The following LOC128462377 variants were observed in gnomAD, a reference collection of about 807,000 sequenced individuals.
At chr16:89,387,340 C>A in the LOC128462377 span, among the ~76,000 whole-genome samples, 2 of 151,742 alleles carry the variant, frequency 1.3e-5, no homozygotes, top group Non-Finnish European at 2.9e-5. Flanking sequence ...GATAGTCAGG[C>A]CTCCCACTCT....
chr16:89,324,376 G>A, the LOC128462377 span: 49 of 766,260 alleles, frequency 6.4e-5, no homozygotes, highest in Middle Eastern at 2.7e-4. Flanking sequence ...AGGGCGGCAC[G>A]TGGGCGCAAA....
the LOC128462377 span, among the ~76,000 whole-genome samples, chr16:89,409,946 T>A: frequency 6.6e-6 from 1 of 152,044 alleles, no homozygotes; most frequent in South Asian, 2.1e-4. Flanking sequence ...TTCACGCCAT[T>A]CTCCTGCCTC....
At chr16:89,396,253 C>G in the LOC128462377 span, among the ~76,000 whole-genome samples, 1 of 152,194 alleles carries the variant, frequency 6.6e-6, no homozygotes, top group African/African-American at 2.4e-5. Flanking sequence ...AGTGGATCCA[C>G]GTCGGGAGAT....
the LOC128462377 span, among the ~76,000 whole-genome samples, chr16:89,368,881 G>A: frequency 1.3e-5 from 2 of 152,136 alleles, no homozygotes. Context: ...ATCTAGGGGA[G>A]GAGAAAGACT....
At chr16:89,350,733 C>T in the LOC128462377 span, among the ~76,000 whole-genome samples, 1 of 152,184 alleles carries the variant, frequency 6.6e-6, no homozygotes, top group African/African-American at 2.4e-5. Context: ...GGGAACAAGA[C>T]AGTTCCAACT....
the LOC128462377 span, among the ~76,000 whole-genome samples, chr16:89,359,663 C>T: frequency 6.6e-6 from 1 of 152,320 alleles, no homozygotes; most frequent in Non-Finnish European, 1.5e-5. Context: ...GGCTGTTCAC[C>T]TCTCTGCCTC....
the LOC128462377 span, among the ~76,000 whole-genome samples, chr16:89,347,133 C>A: frequency 1.1e-4 from 16 of 152,132 alleles, no homozygotes; most frequent in African/African-American, 3.9e-4. Flanking sequence ...TTGGTCCGGG[C>A]ATCAGAGGAA....
At chr16:89,337,167 C>T in the LOC128462377 span, among the ~76,000 whole-genome samples, 3 of 152,018 alleles carry the variant, frequency 2.0e-5, no homozygotes, top group Admixed American at 2.0e-4. Context: ...CCCTGGGCAA[C>T]AGAGTGAGAC....
the LOC128462377 span, among the ~76,000 whole-genome samples, chr16:89,373,850 A>G: frequency 6.6e-6 from 1 of 152,180 alleles, no homozygotes; most frequent in Non-Finnish European, 1.5e-5. Flanking sequence ...TCTTACTTTT[A>G]GTTAGAGCTG....
At chr16:89,375,537 G>GC in the LOC128462377 span, among the ~76,000 whole-genome samples, 1 of 151,822 alleles carries the variant, frequency 6.6e-6, no homozygotes. Flanking sequence ...TTGGCTCGCT[G>GC]CAACCTCTGC....
At chr16:89,417,490 C>T in the LOC128462377 span, among the ~76,000 whole-genome samples, 1 of 152,144 alleles carries the variant, frequency 6.6e-6, no homozygotes, top group Non-Finnish European at 1.5e-5. Flanking sequence ...AGAGCCAAGG[C>T]CAAAGTCTTT....
the LOC128462377 span, among the ~76,000 whole-genome samples, chr16:89,335,771 G>A: frequency 6.6e-6 from 1 of 152,328 alleles, no homozygotes; most frequent in African/African-American, 2.4e-5. Context: ...GTGACAGTGA[G>A]AGGCCCCAGT....
the LOC128462377 span, among the ~76,000 whole-genome samples, chr16:89,351,857 G>C: frequency 2.0e-5 from 3 of 152,198 alleles, no homozygotes; most frequent in African/African-American, 7.2e-5. Context: ...AACAACCTTT[G>C]AACTGTGCGC....
the LOC128462377 span, among the ~76,000 whole-genome samples, chr16:89,406,109 C>CAA: frequency 8.5e-3 from 420 of 49,484 alleles, 2 homozygotes; most frequent in African/African-American, 0.024. Flanking sequence ...GATTCCATCT[C>CAA]AAAAAAAAAA....
At chr16:89,408,686 C>T in the LOC128462377 span, among the ~76,000 whole-genome samples, 1 of 152,272 alleles carries the variant, frequency 6.6e-6, no homozygotes, top group East Asian at 1.9e-4. Flanking sequence ...TAGAGTCCAG[C>T]GCTAATACAA....
the LOC128462377 span, among the ~76,000 whole-genome samples, chr16:89,337,318 CG>C: frequency 6.6e-6 from 1 of 151,892 alleles, no homozygotes; most frequent in African/African-American, 2.4e-5. Context: ...TCCTCCGCCA[CG>C]TGACCAAGCC....
At chr16:89,336,487 G>A in the LOC128462377 span, among the ~76,000 whole-genome samples, 2 of 152,242 alleles carry the variant, frequency 1.3e-5, no homozygotes, top group African/African-American at 4.8e-5. Flanking sequence ...AGTCCAGGAG[G>A]ACTCCTGTAG....
chr16:89,381,331 CAAAA>C, the LOC128462377 span, among the ~76,000 whole-genome samples: 32,691 of 74,912 alleles, frequency 0.44, 5,661 homozygotes, highest in Middle Eastern at 0.52. Flanking sequence ...GACTCTGCTG[CAAAA>C]AAAAAAAAAA....
the LOC128462377 span, chr16:89,324,381 C>T: frequency 4.1e-5 from 28 of 691,122 alleles, no homozygotes; most frequent in African/African-American, 9.2e-5. Flanking sequence ...GGCACGTGGG[C>T]GCAAAGTTCT....
Sources: allele counts gnomAD v4.1 joint callset (sites outside exome capture counted in the v4.1 genomes callset), GRCh38; gene constraint gnomAD v4.1.1; transcripts MANE v1.5.